Variants in CSMD2 observed in about 807,000 individuals in gnomAD.
The protein encoded by CSMD2 is CUB and sushi domain-containing protein 2.
CSMD2 carries 130 observed loss-of-function variants against 398.5 expected under a neutral mutation model. The ratio of observed to expected loss-of-function variants is 0.33; its 90% CI spans 0.28 to 0.38. CSMD2 has a LOEUF of 0.38. CSMD2 is among the 10% of genes least tolerant of loss of function. The probability of loss-of-function intolerance (pLI) is 1.00; values close to 1 mark genes in which losing one functional copy is unlikely to be tolerated. For missense variants in CSMD2, 3,829 were observed against 4,764.9 expected (o/e 0.80, Z 5.78); for synonymous variants, 1,828 against 1,908.5 (o/e 0.96, Z 1.10).
chr1:34,081,527 TCCTGCCTCGG>T (rs888679723), intron 2 of CSMD2, among the ~76,000 whole-genome samples: 27 of 152,158 alleles, frequency 1.8e-4, no homozygotes, highest in Admixed American at 1.4e-3. Context: ...TGCCTGATTC[TCCTGCCTCGG>T]CCTGCCGAGT....
At chr1:33,589,163 T>C (rs1639272559) in intron 44 of CSMD2, among the ~76,000 whole-genome samples, 1 of 152,248 alleles carries the variant, frequency 6.6e-6, no homozygotes, top group African/African-American at 2.4e-5. Context: ...TGGGTTTACC[T>C]TTGATTTAAC....
At chr1:34,018,819 AT>A (rs1339242707) in intron 3 of CSMD2, among the ~76,000 whole-genome samples, 13 of 152,162 alleles carry the variant, frequency 8.5e-5, no homozygotes, top group African/African-American at 2.9e-4. Flanking sequence ...ATTTTACATG[AT>A]TTTTATTGTG....
intron 49 of CSMD2, among the ~76,000 whole-genome samples, chr1:33,572,926 A>G (rs555142672): frequency 1.3e-5 from 2 of 152,270 alleles, no homozygotes; most frequent in South Asian, 4.2e-4. Flanking sequence ...TGTAGCTCAA[A>G]ATATATGGGA....
intron 53 of CSMD2, among the ~76,000 whole-genome samples, chr1:33,563,484 A>G (rs1485236279): frequency 1.3e-5 from 2 of 152,246 alleles, no homozygotes; most frequent in Non-Finnish European, 1.5e-5. Context: ...GATGGCTTCT[A>G]TCATCTCTGC....
chr1:34,100,359 CA>C (rs1659825329), intron 1 of CSMD2, among the ~76,000 whole-genome samples: 1 of 152,140 alleles, frequency 6.6e-6, no homozygotes, highest in South Asian at 2.1e-4. Context: ...CACACAGACA[CA>C]TTCTGGGAGA....
intron 6 of CSMD2, among the ~76,000 whole-genome samples, chr1:33,837,400 C>T (rs2358517): frequency 0.28 from 42,183 of 151,766 alleles, 6,329 homozygotes; most frequent in South Asian, 0.46. Context: ...GATTTTTTTT[C>T]ATGGAGCACC....
At chr1:33,991,883 C>G (rs1342417112) in intron 3 of CSMD2, among the ~76,000 whole-genome samples, 1 of 149,522 alleles carries the variant, frequency 6.7e-6, no homozygotes, top group Non-Finnish European at 1.5e-5. Context: ...AAAAAAAAAG[C>G]AAATACCCAA....
Position 33,546,149 on chromosome 1 carries a change from A to C in CSMD2, c.8988T>G (p.Asp2996Glu), listed in dbSNP as rs1656868411. Residue 2996 changes from aspartate to glutamate, a missense_variant, in exon 57 of 71, where the codon GAT becomes GAG. By Grantham distance (45) the Asp-to-Glu change is conservative. This residue lies in a region of CSMD2 where 917 missense variants were observed against 1,199.5 expected (regional missense o/e 0.76). Transcript: ENST00000373381. ...AHGIRLGDSF[D>E]PGTVMRFSCE... is the part of the protein sequence containing the mutation. ...AGCTGAAGCGCATCACAGTGCCTGGATCAAAGCTGTCCCCCAAACGGATGC... is the reference window on the plus strand; with the variant it reads ...AGCTGAAGCGCATCACAGTGCCTGGCTCAAAGCTGTCCCCCAAACGGATGC... 1 of 1,614,090 alleles carries C rather than the reference A, an allele frequency of 6.2e-7. No individual in the cohort carries two copies. Among genetic ancestry groups the C allele is most frequent in the African/African-American group, 1.3e-5 (1 of 74,934 alleles).
chr1:33,602,569 G>A (rs752142289), intron 42 of CSMD2, 23 bp from the exon 43 acceptor site: 16 of 1,562,402 alleles, frequency 1.0e-5, no homozygotes, highest in Middle Eastern at 1.8e-4. Flanking sequence ...GAACACAAAC[G>A]TAAGTGCAGG....
At chr1:33,769,299 C>T (rs537233843) in intron 13 of CSMD2, among the ~76,000 whole-genome samples, 1 of 152,180 alleles carries the variant, frequency 6.6e-6, no homozygotes, top group Non-Finnish European at 1.5e-5. Flanking sequence ...TGAGCAATTT[C>T]CTAGGCAGAG....
intron 11 of CSMD2, among the ~76,000 whole-genome samples, chr1:33,789,446 G>C (rs1388910519): frequency 2.6e-5 from 4 of 152,248 alleles, no homozygotes; most frequent in African/African-American, 9.6e-5. Context: ...TGAGAATATG[G>C]AAGTGCAGAA....
intron 5 of CSMD2, among the ~76,000 whole-genome samples, chr1:33,877,039 A>G (rs1558041147): frequency 6.6e-6 from 1 of 152,226 alleles, no homozygotes; most frequent in Non-Finnish European, 1.5e-5. Flanking sequence ...AAAAATGAGT[A>G]TAAACTAAAG....
chr1:33,771,571 A>T (rs1651271321), intron 13 of CSMD2, among the ~76,000 whole-genome samples: 1 of 151,944 alleles, frequency 6.6e-6, no homozygotes, highest in Non-Finnish European at 1.5e-5. Flanking sequence ...TTTAAAAAGT[A>T]TCATCACCAT....
rs1642491145 is a variant in CSMD2 at position 33,897,818 on chromosome 1, G to A, written c.920+20276C>T. 2.6e-5 allele frequency among the ~76,000 whole-genome samples: 4 copies of A among 152,214 alleles called. No homozygotes were observed. In the South Asian group the frequency reaches 8.3e-4, roughly 32 times the overall value. On this transcript the variant is annotated intron_variant, in intron 5 of 70. Transcript: ENST00000373381. ...CAGGTTTGATAAACATGTATCAAGGGCCCTCCATGGGCAAGGTGGTTCCAC... is the reference window on the plus strand; with the variant it reads ...CAGGTTTGATAAACATGTATCAAGGACCCTCCATGGGCAAGGTGGTTCCAC...
chr1:33,640,813 A>C (rs746380873), intron 29 of CSMD2, among the ~76,000 whole-genome samples: 1 of 152,224 alleles, frequency 6.6e-6, no homozygotes, highest in African/African-American at 2.4e-5. Context: ...AATATAAGAT[A>C]GTTCTAATTT....
chr1:33,655,161 A>C lies in CSMD2; in HGVS notation c.4448-2700T>G, dbSNP rs116570397. On this transcript the variant is annotated intron_variant, in intron 27 of 70. Transcript: ENST00000373381. ...GTGCAAGCTGCAGATCCTTCTAGAC[A>C]GCCAAGAAGTGGGCAGGTTGGACTG... 6.8e-3 allele frequency among the ~76,000 whole-genome samples: 1,032 copies of C among 152,324 alleles called. 13 individuals are homozygous for C. Among genetic ancestry groups the C allele is most frequent in the African/African-American group, 0.024 (989 of 41,570 alleles).
chr1:33,723,034 T>A (rs1646410186), intron 19 of CSMD2, among the ~76,000 whole-genome samples: 1 of 152,242 alleles, frequency 6.6e-6, no homozygotes, highest in Admixed American at 6.5e-5. Context: ...TCTGTCTCTT[T>A]CTCACACGTA....
chr1:33,865,324 A>G (rs1438549511), intron 5 of CSMD2, among the ~76,000 whole-genome samples: 1 of 150,316 alleles, frequency 6.7e-6, no homozygotes, highest in Non-Finnish European at 1.5e-5. Context: ...AGCAACACTT[A>G]GATACGCTCA....
chr1:33,526,083 C>T (rs1383255167), intron 65 of CSMD2, among the ~76,000 whole-genome samples: 2 of 152,094 alleles, frequency 1.3e-5, no homozygotes, highest in African/African-American at 4.8e-5. Context: ...ATAATGTATA[C>T]ATATAGAATA....
Sources: gnomAD v4.1 joint callset for allele counts (sites outside exome capture counted in the v4.1 genomes callset) on GRCh38, gnomAD v4.1.1 for gene constraint, gnomAD v4.1.1 regional missense constraint, MANE v1.5 for transcripts, NCBI Gene and HGNC (gene_info 2026-07-23, HGNC 2026-07-21) for gene names.